ZNF469: variants seen among roughly 807,000 people sequenced by gnomAD.
ZNF469 encodes zinc finger protein 469.
In ZNF469, 1 loss-of-function variant was observed where a neutral mutation model predicts 1.0. The observed-to-expected ratio is 1.00, with a 90% CI of 0.35 to 4.73. The LOEUF (loss-of-function observed/expected upper bound fraction) is 4.73. ZNF469 is among the 30% of genes most tolerant of loss of function. The pLI, the probability that ZNF469 is intolerant of heterozygous loss-of-function variation, is 0.16. For missense variants in ZNF469, 6,100 were observed against 5,356.3 expected, an observed-to-expected ratio of 1.14 and a Z score of -4.33; for synonymous variants, 2,703 against 2,363.4, an observed-to-expected ratio of 1.14 and a Z score of -4.17.
At position 88,432,106 on chromosome 16, in the gene ZNF469, G is replaced by C. The variant is rs947954409; in HGVS notation, c.4636G>C (p.Gly1546Arg). Residue 1546 changes from glycine to arginine, a missense_variant, in exon 3 of 3, where the codon GGG (glycine) becomes CGG (arginine). Physicochemically the swap from Gly to Arg is moderately radical, Grantham distance 125. Transcript: ENST00000565624. ...CGCCGCCCCATCTTTGCCTGGGAAG[G>C]GGAGTGGATGTAGCGTTGCTCTTAT... ...PGAAPSLPGK[G>R]SGCSVALMSH... The C allele has an allele frequency of 6.4e-7, 1 of 1,550,390 alleles. No individual in the cohort carries two copies. Among genetic ancestry groups the C allele is most frequent in the Non-Finnish European group, 8.7e-7 (1 of 1,147,024 alleles).
At chr16:88,154,112 G>T in the ZNF469 span, among the ~76,000 whole-genome samples, 2 of 152,228 alleles carry the variant, frequency 1.3e-5, no homozygotes, top group East Asian at 1.9e-4. Context: ...ATGGCACCTT[G>T]CCAAGCCTTC....
the ZNF469 span, among the ~76,000 whole-genome samples, chr16:88,160,976 C>G: frequency 6.6e-6 from 1 of 152,144 alleles, no homozygotes; most frequent in Admixed American, 6.5e-5. Flanking sequence ...AACAATGTCT[C>G]TATATTAAAA....
the ZNF469 span, among the ~76,000 whole-genome samples, chr16:88,356,288 C>A: frequency 6.6e-6 from 1 of 152,154 alleles, no homozygotes; most frequent in Non-Finnish European, 1.5e-5. Flanking sequence ...ATGATCGAAT[C>A]TCAGTCCTGC....
chr16:88,356,860 C>G, the ZNF469 span, among the ~76,000 whole-genome samples: 10 of 152,314 alleles, frequency 6.6e-5, no homozygotes, highest in East Asian at 1.9e-3. Flanking sequence ...GGCACCAGGC[C>G]AGGGTCCGCA....
rs1184091499 is a variant in ZNF469 at position 88,427,502 on chromosome 16, C to T, written c.32C>T (p.Pro11Leu). ...GGGGAGCGCCCCCGAGGAGCGCCGC[C>T]CCCCACCATGACTGGAGACCTGCAG... MPGERPRGAP[P>L]PTMTGDLQPR... The change falls in exon 3 of 3, where the codon CCC (proline) becomes CTC (leucine). Residue 11 changes from proline (P) to leucine (L), a missense_variant. By Grantham distance (98) the Pro-to-Leu change is moderately conservative (BLOSUM62 -3). Transcript: ENST00000565624. 2.0e-6 allele frequency: 3 copies of T among 1,530,408 alleles called. No individual in the cohort carries two copies. In the Admixed American group the frequency reaches 5.9e-5, roughly 30 times the overall value. 94.8% of individuals were successfully genotyped at this position (1,530,408 alleles called of 1,614,324 possible). A position where few individuals can be genotyped will look rare whatever the true frequency, so the allele number is the denominator to read the frequency against.
chr16:88,167,686 G>T, the ZNF469 span, among the ~76,000 whole-genome samples: 1 of 152,156 alleles, frequency 6.6e-6, no homozygotes, highest in South Asian at 2.1e-4. Context: ...GAGCCACTCC[G>T]CTGCGTTTCC....
chr16:88,379,019 G>A (rs1481908467), upstream of ZNF469, among the ~76,000 whole-genome samples: 3 of 152,208 alleles, frequency 2.0e-5, no homozygotes, highest in Non-Finnish European at 4.4e-5. Flanking sequence ...CATCAGCGCT[G>A]ACCTCGAGTG....
At chr16:88,228,982 T>G in the ZNF469 span, among the ~76,000 whole-genome samples, 1 of 152,174 alleles carries the variant, frequency 6.6e-6, no homozygotes, top group South Asian at 2.1e-4. Context: ...ATATCTGCCG[T>G]CCTCACCGTC....
At chr16:88,297,294 A>G in the ZNF469 span, among the ~76,000 whole-genome samples, 43 of 152,312 alleles carry the variant, frequency 2.8e-4, no homozygotes, top group Non-Finnish European at 5.3e-4. Context: ...GGTATGATCA[A>G]AGAGGTTCCG....
At chr16:88,136,395 A>G in the ZNF469 span, among the ~76,000 whole-genome samples, 1 of 152,152 alleles carries the variant, frequency 6.6e-6, no homozygotes, top group Non-Finnish European at 1.5e-5. Context: ...AGCTGTCCTG[A>G]GCTTTGAGGA....
the ZNF469 span, among the ~76,000 whole-genome samples, chr16:88,291,727 G>A: frequency 0.14 from 20,599 of 151,944 alleles, 3,392 homozygotes; most frequent in African/African-American, 0.39. Flanking sequence ...TGGTCTCGGT[G>A]AATATCAGCA....
rs1184248952 is a variant in ZNF469 at position 88,432,414 on chromosome 16, A to G, written c.4944A>G (p.Glu1648=). 6 of 1,550,028 alleles carry G rather than the reference A, an allele frequency of 3.9e-6. No individual in the cohort carries two copies. In the Admixed American group the frequency reaches 1.2e-4, roughly 30 times the overall value. Residue 1648 remains glutamate, a synonymous_variant, in exon 3 of 3, where the codon GAA becomes GAG. Coordinates refer to ENST00000565624, the MANE Select transcript of ZNF469 (RefSeq NM_001367624.2). ...CGGAATCGGCTGTGGCCACCGTGGA[A>G]GCGGTTCAGGGGAGGCCTGGGGGGA... is the stretch of plus-strand genomic sequence containing the variant. ...EGAESAVATV[E]AVQGRPGGTW...
At chr16:88,239,870 G>A in the ZNF469 span, among the ~76,000 whole-genome samples, 1 of 148,704 alleles carries the variant, frequency 6.7e-6, no homozygotes, top group Non-Finnish European at 1.5e-5. Flanking sequence ...AACAATCACT[G>A]TGGTCTCTTA....
intron 1 of ZNF469, among the ~76,000 whole-genome samples, chr16:88,413,050 G>A (rs746303638): frequency 7.2e-5 from 11 of 152,002 alleles, no homozygotes; most frequent in Admixed American, 3.3e-4. Context: ...ACCAGACCAG[G>A]CACTAGCGGT....
the ZNF469 span, chr16:88,177,237 C>T: frequency 6.6e-6 from 1 of 152,214 alleles, no homozygotes; most frequent in East Asian, 1.9e-4. The surrounding 1 kb of genome is among the most constrained non-coding windows in gnomAD (Gnocchi z 4.8). Context: ...ACTCATGTGC[C>T]AAACTATACA....
At chr16:88,155,057 C>T in the ZNF469 span, among the ~76,000 whole-genome samples, 1 of 152,208 alleles carries the variant, frequency 6.6e-6, no homozygotes, top group Non-Finnish European at 1.5e-5. Context: ...TTCTGCATCA[C>T]CAGCAGACCC....
At chr16:88,375,406 C>T in the ZNF469 span, among the ~76,000 whole-genome samples, 1 of 152,240 alleles carries the variant, frequency 6.6e-6, no homozygotes, top group South Asian at 2.1e-4. Flanking sequence ...TCTCAGCAGG[C>T]ATCTGGGCCA....
chr16:88,245,144 GA>G, the ZNF469 span, among the ~76,000 whole-genome samples: 140 of 152,298 alleles, frequency 9.2e-4, 1 homozygote, highest in Middle Eastern at 3.4e-3. Context: ...GGGGAGGAAA[GA>G]AGGGGTGTGT....
chr16:88,432,620 C>G lies in ZNF469; in HGVS notation c.5150C>G (p.Pro1717Arg), dbSNP rs544832628. The change falls in exon 3 of 3, where the codon CCC (proline) becomes CGC (arginine). Residue 1717 changes from proline (P) to arginine (R), a missense_variant. Pro to Arg is a moderately radical substitution (Grantham distance 103). Coordinates refer to ENST00000565624, the MANE Select transcript of ZNF469 (RefSeq NM_001367624.2). The part of the protein sequence containing the change: ...LCQAEGDSRP[P>R]QDVCLPEPSK... ...CAGGCAGAAGGAGACAGCAGGCCCC[C>G]CCAAGATGTCTGCCTGCCTGAGCCC... 1.2e-5 allele frequency: 18 copies of G among 1,550,322 alleles called. No individual in the cohort carries two copies. In the East Asian group the frequency reaches 2.7e-4, roughly 23 times the overall value.
Sources: allele counts gnomAD v4.1 joint callset (sites outside exome capture counted in the v4.1 genomes callset), GRCh38; gene constraint gnomAD v4.1.1; non-coding constraint Gnocchi (gnomAD v3.1); transcripts MANE v1.5; gene names NCBI Gene and HGNC (gene_info 2026-07-23, HGNC 2026-07-21).